TNS3: variants seen among roughly 807,000 people sequenced by gnomAD.
TNS3 encodes tensin 3.
TNS3 carries 45 observed loss-of-function variants against 140.9 expected under a neutral mutation model. The observed-to-expected ratio is 0.32, with a 90% CI of 0.25 to 0.41. The LOEUF (loss-of-function observed/expected upper bound fraction) is 0.41, where lower values mean the gene tolerates loss of function less well. Ranked by LOEUF, TNS3 falls within the 10% of genes least tolerant of loss-of-function variation. TNS3 has a pLI of 1.00. For synonymous variants in TNS3, 815 were observed against 788.4 expected, an observed-to-expected ratio of 1.03 and a Z score of -0.56; for missense variants, 1,716 against 1,906.7, an observed-to-expected ratio of 0.90 and a Z score of 1.86.
chr7:47,457,009 C>A (rs1048513908), intron 4 of TNS3, among the ~76,000 whole-genome samples: 20 of 150,364 alleles, frequency 1.3e-4, no homozygotes, highest in Admixed American at 5.4e-4. Context: ...TTACCCCTTT[C>A]TTTTAAGAAA....
At chr7:47,569,246 A>G (rs1297959193) in intron 1 of TNS3, among the ~76,000 whole-genome samples, 1 of 152,228 alleles carries the variant, frequency 6.6e-6, no homozygotes, top group African/African-American at 2.4e-5. Context: ...ACCTGCATTT[A>G]AATATTACAC....
At chr7:47,438,577 G>A (rs550639596) in intron 6 of TNS3, among the ~76,000 whole-genome samples, 1 of 152,266 alleles carries the variant, frequency 6.6e-6, no homozygotes, top group East Asian at 1.9e-4. Context: ...AGACAAGACG[G>A]GCTTCAAGAC....
In TNS3 at chr7:47,369,257, G is replaced by A. The variant is rs566375523; in HGVS notation, c.1389C>T (p.His463=). The change falls in exon 17 of 31, where the codon CAC becomes CAT. Residue 463 remains histidine, a synonymous_variant. Coordinates refer to ENST00000311160, the MANE Select transcript of TNS3 (RefSeq NM_022748.12). ...GTRHVVPAQV[H]VNGDAALKDR... ...CCTTCAGAGCAGCGTCTCCATTCAC[G>A]TGAACCTGGGCTGGCACCACGTGGC... 26 of 1,614,188 alleles carry A rather than the reference G, an allele frequency of 1.6e-5. No homozygotes were observed. The highest frequency in any genetic ancestry group is 8.9e-5 in the East Asian group (4 of 44,882).
Position 47,567,230 on chromosome 7 carries a change from A to T in TNS3, c.-265+14821T>A, listed in dbSNP as rs186356520. Among the ~76,000 whole-genome samples the T allele has an allele frequency of 4.9e-3, 745 of 152,294 alleles. 2 individuals carry two copies. Among genetic ancestry groups the T allele is most frequent in the Non-Finnish European group, 8.5e-3 (576 of 68,026 alleles). ...GAAATAACATTGTCCCTATTTTCAGATGTCATGATTATCTACATGGGAAAT... is the reference window on the plus strand; with the variant it reads ...GAAATAACATTGTCCCTATTTTCAGTTGTCATGATTATCTACATGGGAAAT... On this transcript the variant is annotated intron_variant, in intron 1 of 30. Transcript: ENST00000311160.
chr7:47,566,714 G>A (rs1288108844), intron 1 of TNS3, among the ~76,000 whole-genome samples: 1 of 152,186 alleles, frequency 6.6e-6, no homozygotes, highest in African/African-American at 2.4e-5. Context: ...CAAGTGATCT[G>A]ACTTAGCGGG....
At chr7:47,355,577 G>A (rs1318138480) in intron 17 of TNS3, among the ~76,000 whole-genome samples, 4 of 152,194 alleles carry the variant, frequency 2.6e-5, no homozygotes, top group Non-Finnish European at 5.9e-5. Context: ...TCACCCCTGA[G>A]CAGTCTGAAG....
intron 16 of TNS3, among the ~76,000 whole-genome samples, chr7:47,373,344 C>T (rs1282942528): frequency 6.6e-6 from 1 of 152,122 alleles, no homozygotes; most frequent in East Asian, 1.9e-4. Context: ...ACAAAGATGC[C>T]ATCCATTTTT....
intron 10 of TNS3, among the ~76,000 whole-genome samples, chr7:47,416,384 C>T (rs1334447674): frequency 6.6e-6 from 1 of 152,162 alleles, no homozygotes; most frequent in Admixed American, 6.5e-5. Context: ...AATTTGTATA[C>T]AAACAAACTA....
intron 1 of TNS3, among the ~76,000 whole-genome samples, chr7:47,532,627 A>G (rs1799450081): frequency 6.6e-6 from 1 of 152,128 alleles, no homozygotes; most frequent in South Asian, 2.1e-4. Context: ...TTTAACACTT[A>G]ATAAAGCTTA....
intron 20 of TNS3, among the ~76,000 whole-genome samples, chr7:47,305,467 C>T (rs1469058385): frequency 2.0e-5 from 3 of 152,256 alleles, no homozygotes; most frequent in East Asian, 1.9e-4. Flanking sequence ...TAAGTGCAGG[C>T]CCTGCGGCAG....
intron 16 of TNS3, among the ~76,000 whole-genome samples, chr7:47,376,763 A>G (rs543470039): frequency 2.8e-4 from 43 of 152,182 alleles, no homozygotes; most frequent in African/African-American, 7.2e-4. Flanking sequence ...ACAAACTCAT[A>G]TACACCTCAC....
At position 47,471,951 on chromosome 7, in the gene TNS3, TTC is replaced by T. The variant is rs929996199; in HGVS notation, c.-76+9150_-76+9151del. 6.6e-5 allele frequency among the ~76,000 whole-genome samples: 10 copies of T among 152,340 alleles called. No individual in the cohort carries two copies. In the East Asian group the frequency reaches 1.9e-3, roughly 29 times the overall value. ...TGGTTGGCTTCAAACAAGGCATGTG[TTC>T]TCTCACAGACCCAGGGGCTGGAGGT... On this transcript the variant is annotated intron_variant, in intron 4 of 30. Coordinates refer to ENST00000311160, the MANE Select transcript of TNS3 (RefSeq NM_022748.12).
At chr7:47,457,655 T>C (rs146573153) in intron 4 of TNS3, among the ~76,000 whole-genome samples, 2 of 152,300 alleles carry the variant, frequency 1.3e-5, no homozygotes, top group African/African-American at 2.4e-5. Context: ...CCTATTTCTA[T>C]AGAGCTCCAA....
At position 47,303,298 on chromosome 7, in the gene TNS3, G is replaced by A; in HGVS notation, c.3109C>T (p.Leu1037=). 1 of 1,613,568 alleles carries A rather than the reference G, an allele frequency of 6.2e-7. No homozygotes were observed. Among genetic ancestry groups the A allele is most frequent in the East Asian group, 2.2e-5 (1 of 44,862 alleles). ...TGAGAATTGGCCAGCAAGGCCCCCAGGTCCTCCTCGGGCGGAAGGCCACTT... is the reference window on the plus strand; with the variant it reads ...TGAGAATTGGCCAGCAAGGCCCCCAAGTCCTCCTCGGGCGGAAGGCCACTT... ...VGSGLPPEED[L]GALLANSHGA... The change falls in exon 22 of 31, where the codon CTG becomes TTG. Residue 1037 remains leucine, a synonymous_variant. Coordinates refer to ENST00000311160, the MANE Select transcript of TNS3 (RefSeq NM_022748.12).
chr7:47,504,237 C>G (rs540709631), intron 3 of TNS3, among the ~76,000 whole-genome samples: 1 of 152,348 alleles, frequency 6.6e-6, no homozygotes, highest in African/African-American at 2.4e-5. Context: ...AACGATGGCT[C>G]TGCCTCCCTG....
intron 20 of TNS3, among the ~76,000 whole-genome samples, chr7:47,317,322 G>A (rs1321456884): frequency 6.6e-6 from 1 of 152,176 alleles, no homozygotes; most frequent in East Asian, 1.9e-4. Flanking sequence ...CCATGCCACA[G>A]TCTTCCTTTT....
chr7:47,324,216 C>G (rs1051339723), intron 20 of TNS3, among the ~76,000 whole-genome samples: 12 of 152,118 alleles, frequency 7.9e-5, no homozygotes, highest in African/African-American at 2.7e-4. Flanking sequence ...TCATGTTTAC[C>G]GAATTTTCTA....
intron 1 of TNS3, among the ~76,000 whole-genome samples, chr7:47,548,983 A>C (rs931021599): frequency 6.6e-6 from 1 of 152,128 alleles, no homozygotes; most frequent in Non-Finnish European, 1.5e-5. Context: ...GCACACAGCC[A>C]ATCTGTCAGC....
intron 3 of TNS3, chr7:47,481,720 C>G (rs1458206616): frequency 1.2e-5 from 12 of 985,288 alleles, no homozygotes; most frequent in Non-Finnish European, 1.4e-5. Context: ...CTCTGAAGAC[C>G]GAGAGCTCCC....
Sources: gnomAD v4.1 joint callset for allele counts (sites outside exome capture counted in the v4.1 genomes callset) on GRCh38, gnomAD v4.1.1 for gene constraint, MANE v1.5 for transcripts, NCBI Gene and HGNC (gene_info 2026-07-23, HGNC 2026-07-21) for gene names.